The following DSC3 variants were observed in gnomAD, a reference collection of about 807,000 sequenced individuals.
DSC3 encodes desmocollin 3.
In DSC3, 97 loss-of-function variants were observed where a neutral mutation model predicts 89.5. That is an observed-to-expected ratio of 1.08 (90% confidence interval 0.92 to 1.28). The LOEUF (loss-of-function observed/expected upper bound fraction) is 1.28. Ranked by LOEUF, DSC3 falls within the 50% of genes most tolerant of loss-of-function variation. The pLI is 0.00. For synonymous variants in DSC3, 436 were observed against 384.1 expected, an observed-to-expected ratio of 1.14 and a Z score of -1.58; for missense variants, 1,199 against 1,085.3, an observed-to-expected ratio of 1.10 and a Z score of -1.47.
chr18:31,039,075 TA>T (rs145931987), intron 1 of DSC3, among the ~76,000 whole-genome samples: 1,801 of 152,168 alleles, frequency 0.012, 35 homozygotes, highest in African/African-American at 0.042. Flanking sequence ...ATAATAAAAA[TA>T]ACTTCTGTAT....
chr18:31,005,124 A>G (rs995498166), intron 12 of DSC3, among the ~76,000 whole-genome samples: 4 of 152,198 alleles, frequency 2.6e-5, no homozygotes, highest in African/African-American at 9.7e-5. Flanking sequence ...CCTTGATTAA[A>G]TGCTCTGCTG....
chr18:31,025,568 C>T (rs1446646568), intron 5 of DSC3, among the ~76,000 whole-genome samples, 192 bp downstream of exon 5: 1 of 152,118 alleles, frequency 6.6e-6, no homozygotes, highest in African/African-American at 2.4e-5. Flanking sequence ...TGCTTCATTT[C>T]AGGCTTACCT....
rs1196444633 is a variant in DSC3 at position 30,995,971 on chromosome 18, T to TAAAA, written c.2493+816_2493+819dup. ...TCAGCGACAGAGCAAGACCCTGCCTTAAAAAAAAAAAAAAAAAAAAAAAAA... is the reference window on the plus strand; with the variant it reads ...TCAGCGACAGAGCAAGACCCTGCCTTAAAAAAAAAAAAAAAAAAAAAAAAAAAAA... On this transcript the variant is annotated intron_variant, in intron 15 of 15. Coordinates refer to ENST00000360428, the MANE Select transcript of DSC3 (RefSeq NM_001941.5). Among the ~76,000 whole-genome samples, 131 of 37,008 alleles carry TAAAA rather than the reference T, an allele frequency of 3.5e-3. 1 individual carries two copies. Among genetic ancestry groups the TAAAA allele is most frequent in the Non-Finnish European group, 4.0e-3 (92 of 23,094 alleles). The allele number at this position is 37,008 out of a possible 152,430, so 24.3% of individuals were successfully genotyped here.
At chr18:30,999,461 C>T (rs1388409818) in intron 14 of DSC3, among the ~76,000 whole-genome samples, 4 of 149,096 alleles carry the variant, frequency 2.7e-5, no homozygotes, top group Non-Finnish European at 5.9e-5. Flanking sequence ...AAAAAAAAAA[C>T]CCTCCTAATT....
At chr18:31,001,381 A>G (rs970216220) in intron 14 of DSC3, among the ~76,000 whole-genome samples, 5 of 152,024 alleles carry the variant, frequency 3.3e-5, no homozygotes, top group Non-Finnish European at 5.9e-5. Context: ...AACATCAAAG[A>G]ACAAGTTTAA....
chr18:31,009,555 G>C (rs1984987500), intron 9 of DSC3, among the ~76,000 whole-genome samples: 1 of 152,148 alleles, frequency 6.6e-6, no homozygotes, highest in African/African-American at 2.4e-5. Flanking sequence ...TTGAAAACTT[G>C]AGAATTATAC....
chr18:31,037,027 G>A (rs149049929), intron 1 of DSC3, among the ~76,000 whole-genome samples: 1,690 of 152,002 alleles, frequency 0.011, 31 homozygotes, highest in African/African-American at 0.039. Context: ...TCCTGACCTC[G>A]TGATCTGTCT....
At chr18:31,041,568 G>C (rs1030147425) in intron 1 of DSC3, among the ~76,000 whole-genome samples, 3 of 152,116 alleles carry the variant, frequency 2.0e-5, no homozygotes, top group African/African-American at 7.2e-5. Context: ...TATAGACCTC[G>C]CTCCCATCGG....
chr18:31,031,065 AC>A lies in DSC3; in HGVS notation c.261del (p.Ser88LeufsTer26). ...GSVYTARAVA[L>X]SDKKRSFTIW... ...ATGGTAAATGATCTTTTCTTATCAG[AC>A]AGCGCAACAGCCCTGGCTGTGTACA... On this transcript the variant is annotated frameshift_variant, in exon 3 of 16. Transcript: ENST00000360428. LOFTEE classifies it high-confidence loss of function. 1.9e-6 allele frequency: 3 copies of A among 1,614,078 alleles called. No individual in the cohort carries two copies. Among genetic ancestry groups the A allele is most frequent in the Non-Finnish European group, 2.5e-6 (3 of 1,179,964 alleles).
At chr18:31,034,802 T>C (rs1985919139) in intron 1 of DSC3, among the ~76,000 whole-genome samples, 1 of 152,166 alleles carries the variant, frequency 6.6e-6, no homozygotes, top group Non-Finnish European at 1.5e-5. Flanking sequence ...CAAAGTAAAT[T>C]TCCATGGGAA....
chr18:31,035,367 A>G (rs1469561514), intron 1 of DSC3, among the ~76,000 whole-genome samples: 3 of 152,102 alleles, frequency 2.0e-5, no homozygotes, highest in Non-Finnish European at 4.4e-5. Flanking sequence ...TGTTTAATTT[A>G]GATATAATAA....
intron 1 of DSC3, among the ~76,000 whole-genome samples, chr18:31,040,018 A>C (rs1354080910): frequency 6.6e-6 from 1 of 152,214 alleles, no homozygotes; most frequent in Non-Finnish European, 1.5e-5. Context: ...AATATTACCA[A>C]GAGCAAAAAC....
intron 7 of DSC3, among the ~76,000 whole-genome samples, chr18:31,021,581 T>C (rs1039488159): frequency 5.3e-5 from 8 of 152,208 alleles, no homozygotes; most frequent in Non-Finnish European, 8.8e-5. Context: ...GGTATTCTAG[T>C]TGTAGTGGGA....
At chr18:30,997,302 A>G (rs1984510950) in intron 14 of DSC3, among the ~76,000 whole-genome samples, 1 of 152,160 alleles carries the variant, frequency 6.6e-6, no homozygotes, top group Non-Finnish European at 1.5e-5. Context: ...GAAGTCTGGG[A>G]AGTCCAAGAT....
At chr18:31,009,741 C>T (rs1984993727) in intron 9 of DSC3, among the ~76,000 whole-genome samples, 2 of 152,164 alleles carry the variant, frequency 1.3e-5, no homozygotes. Flanking sequence ...TGACCTCATC[C>T]TCATTTTACA....
intron 7 of DSC3, among the ~76,000 whole-genome samples, chr18:31,021,414 C>T (rs956813799): frequency 6.6e-6 from 1 of 152,080 alleles, no homozygotes; most frequent in African/African-American, 2.4e-5. Flanking sequence ...AATGCTCCGG[C>T]CCCATAAAAA....
chr18:31,042,411 A>C (rs1219898487), intron 1 of DSC3, among the ~76,000 whole-genome samples, 181 bp downstream of exon 1: 1 of 152,196 alleles, frequency 6.6e-6, no homozygotes, highest in African/African-American at 2.4e-5. Flanking sequence ...GTCGACCCGC[A>C]AACACACGTT....
chr18:31,008,556 C>T (rs1212182918), intron 9 of DSC3, 31 bp from the exon 10 acceptor site: 1 of 1,612,182 alleles, frequency 6.2e-7, no homozygotes, highest in Non-Finnish European at 8.5e-7. Flanking sequence ...ATATCAGTGT[C>T]AGTGTAAAAT....
At chr18:31,034,099 A>G (rs762794546) in intron 1 of DSC3, among the ~76,000 whole-genome samples, 7 of 152,202 alleles carry the variant, frequency 4.6e-5, no homozygotes, top group Admixed American at 2.0e-4. Flanking sequence ...TGCTGGGATT[A>G]CAGGCGTGAG....
Sources: allele counts gnomAD v4.1 joint callset (sites outside exome capture counted in the v4.1 genomes callset), GRCh38; gene constraint gnomAD v4.1.1; transcripts MANE v1.5; gene names NCBI Gene and HGNC (gene_info 2026-07-23, HGNC 2026-07-21).